SYT3: variants seen among roughly 807,000 people sequenced by gnomAD.
SYT3 encodes synaptotagmin 3, also known as synaptotagmin-3.
Under a neutral mutation model 50.6 loss-of-function variants are expected in SYT3, and 25 were observed. The ratio of observed to expected loss-of-function variants is 0.49; its 90% CI spans 0.36 to 0.69. The LOEUF (loss-of-function observed/expected upper bound fraction) is 0.69, where lower values mean the gene tolerates loss of function less well. Ranked by LOEUF, SYT3 falls within the 30% of genes least tolerant of loss-of-function variation. The pLI is 0.00. For missense variants in SYT3, 589 were observed against 793.6 expected, an observed-to-expected ratio of 0.74 and a Z score of 3.10; for synonymous variants, 323 against 353.9, an observed-to-expected ratio of 0.91 and a Z score of 0.98.
the SYT3 span, chr19:50,656,225 G>A: frequency 1.2e-5 from 19 of 1,536,130 alleles, no homozygotes; most frequent in Non-Finnish European, 1.6e-5. Context: ...TCTCTCCCTA[G>A]AAAGCAGTAC....
At chr19:50,647,238 C>G in the SYT3 span, among the ~76,000 whole-genome samples, 1 of 151,986 alleles carries the variant, frequency 6.6e-6, no homozygotes, top group Non-Finnish European at 1.5e-5. Flanking sequence ...CTCTTTCAGT[C>G]CAGGTGAGGG....
chr19:50,636,928 G>A (rs1984513958), intron 3 of SYT3, among the ~76,000 whole-genome samples: 1 of 152,192 alleles, frequency 6.6e-6, no homozygotes, highest in Non-Finnish European at 1.5e-5. Flanking sequence ...CTACAGCCAT[G>A]CAGTTATTAA....
chr19:50,633,232 T>G (rs1286630280), intron 3 of SYT3, among the ~76,000 whole-genome samples: 1 of 152,180 alleles, frequency 6.6e-6, no homozygotes, highest in Admixed American at 6.5e-5. Flanking sequence ...TCTTCCCACC[T>G]TGGCCTCCCA....
At position 50,639,364 on chromosome 19, in the gene SYT3, G is replaced by T. The variant is rs1417643423; in HGVS notation, c.-153-202C>A. On this transcript the variant is annotated intron_variant, in intron 1 of 10. Coordinates refer to ENST00000600079, the MANE Select transcript of SYT3 (RefSeq NM_001160329.2). This position sits in a 1 kb window ranked among gnomAD's most constrained non-coding sequence, Gnocchi z 4.6. ...CGGCTTCATAGACCCGGCGCTGCAG[G>T]ATCTGCTGGGAGTTGAAGTCCTTAA... is the stretch of plus-strand genomic sequence containing the variant. 3.9e-5 allele frequency: 6 copies of T among 152,058 alleles called. No homozygotes were observed. The highest frequency in any genetic ancestry group is 7.3e-5 in the Non-Finnish European group (5 of 68,064). The allele number at this position is 152,058 out of a possible 1,614,324, so 9.4% of individuals were successfully genotyped here.
intron 6 of SYT3, among the ~76,000 whole-genome samples, chr19:50,627,678 G>A (rs1425812981): frequency 6.8e-6 from 1 of 147,032 alleles, no homozygotes; most frequent in East Asian, 2.0e-4. Flanking sequence ...AGTGAGCTGA[G>A]ATTGCGCCAC....
In SYT3 at chr19:50,630,168, G is replaced by C; in HGVS notation, c.678C>G (p.Tyr226Ter). The change falls in exon 5 of 11, where the codon TAC becomes TAG. Residue 226 changes from tyrosine to a stop codon, truncating the protein, a stop_gained. Transcript: ENST00000600079. LOFTEE classifies it high-confidence loss of function. ...GGGTGAGGGGTCGGGGCAGGGCTGG[G>C]TACCTGTAGGGGGTTGGGGGGAGAC... ...QVTSLAPTTR[Y>*]PALPRPLTQQ... 1 of 1,529,812 alleles carries C rather than the reference G, an allele frequency of 6.5e-7. No individual in the cohort carries two copies. Among genetic ancestry groups the C allele is most frequent in the Non-Finnish European group, 8.8e-7 (1 of 1,135,646 alleles). The allele number at this position is 1,529,812 out of a possible 1,614,324, so 94.8% of individuals were successfully genotyped here.
chr19:50,649,790 TCTC>T, the SYT3 span: 13 of 564,720 alleles, frequency 2.3e-5, no homozygotes, highest in Non-Finnish European at 4.0e-5. Flanking sequence ...AGGCCATTCT[TCTC>T]CTAGGTAACC....
chr19:50,646,023 C>T, the SYT3 span, among the ~76,000 whole-genome samples: 2 of 151,926 alleles, frequency 1.3e-5, no homozygotes, highest in Non-Finnish European at 1.5e-5. Flanking sequence ...ACATAGAGTC[C>T]CAAATCCCAG....
chr19:50,649,382 G>T, the SYT3 span: 2 of 1,483,514 alleles, frequency 1.3e-6, no homozygotes, highest in African/African-American at 1.4e-5. Context: ...GAGCTGGGGT[G>T]GGTGGCCCAG....
In SYT3 at chr19:50,632,686, C is replaced by T. The variant is rs1193059710; in HGVS notation, c.274G>A (p.Gly92Ser). 6.3e-7 allele frequency: 1 copy of T among 1,591,168 alleles called. No homozygotes were observed. Among genetic ancestry groups the T allele is most frequent in the Middle Eastern group, 1.7e-4 (1 of 6,006 alleles). Residue 92 changes from glycine to serine, a missense_variant, in exon 4 of 11, where the codon GGC becomes AGC. Physicochemically the swap from Gly to Ser is moderately conservative, Grantham distance 56. This residue lies in a region of SYT3 where 316 missense variants were observed against 354.3 expected (regional missense o/e 0.89). Coordinates refer to ENST00000600079, the MANE Select transcript of SYT3 (RefSeq NM_001160329.2). This position sits in a 1 kb window ranked among gnomAD's most constrained non-coding sequence, Gnocchi z 4.7. The part of the protein sequence containing the change: ...PWRDKGGSAV[G>S]GGPLRKDLGP... ...AGGTCTTTGCGCAGGGGGCCACCGC[C>T]CACTGCCGAGCCTCCCTTGTCCCGC...
the SYT3 span, among the ~76,000 whole-genome samples, chr19:50,651,520 C>G: frequency 6.6e-6 from 1 of 152,106 alleles, no homozygotes; most frequent in East Asian, 1.9e-4. Flanking sequence ...TCTCATTCAT[C>G]TCTTGGTCCC....
Position 50,629,404 on chromosome 19 carries a change from G to C in SYT3, c.1171C>G (p.Arg391Gly). The C allele has an allele frequency of 6.2e-7, 1 of 1,614,012 alleles. No homozygotes were observed. Among genetic ancestry groups the C allele is most frequent in the Non-Finnish European group, 8.5e-7 (1 of 1,179,936 alleles). The change falls in exon 6 of 11, where the codon CGC becomes GGC. Residue 391 changes from arginine to glycine, a missense_variant. By Grantham distance (125) the Arg-to-Gly change is moderately radical. This residue lies in a region of SYT3 where 273 missense variants were observed against 439.3 expected (regional missense o/e 0.62). Coordinates refer to ENST00000600079, the MANE Select transcript of SYT3 (RefSeq NM_001160329.2). ...CCGATGAGGTCGTGCCGCGAGAAGC[G>C]GTCAAAGTCATAGACGCTGAAGTGC... ...KLHFSVYDFD[R>G]FSRHDLIGQV...
rs199930160 is a variant in SYT3 at position 50,629,772 on chromosome 19, G to A, written c.1062+12C>T. 2 of 1,592,956 alleles carry A rather than the reference G, an allele frequency of 1.3e-6. No individual in the cohort carries two copies. The highest frequency in any genetic ancestry group is 1.7e-4 in the Middle Eastern group (1 of 5,882). ...TCTGTGGGAACCCGGTGTCCAGCCC[G>A]CTGCTCCGGACCTTGGTCTGAAACT... On this transcript the variant is annotated intron_variant, in intron 5 of 10. Transcript: ENST00000600079.
Position 50,630,167 on chromosome 19 carries a change from G to T in SYT3, c.679C>A (p.Pro227Thr), listed in dbSNP as rs1383854505. The T allele has an allele frequency of 1.9e-6, 3 of 1,544,252 alleles. No homozygotes were observed. Among genetic ancestry groups the T allele is most frequent in the East Asian group, 4.6e-5 (2 of 43,898 alleles). ...VTSLAPTTRYPALPRPLTQQT... is the reference protein window; with the variant it reads ...VTSLAPTTRYTALPRPLTQQT... ...TGGGTGAGGGGTCGGGGCAGGGCTG[G>T]GTACCTGTAGGGGGTTGGGGGGAGA... The change falls in exon 5 of 11, where the codon CCA (proline) becomes ACA (threonine). Residue 227 changes from proline (P) to threonine (T), a missense_variant. This residue lies in a region of SYT3 where 316 missense variants were observed against 354.3 expected (regional missense o/e 0.89). Transcript: ENST00000600079.
Position 50,637,762 on chromosome 19 carries a change from G to A in SYT3, c.-15-336C>T. On this transcript the variant is annotated intron_variant, in intron 2 of 10. Coordinates refer to ENST00000600079, the MANE Select transcript of SYT3 (RefSeq NM_001160329.2). This position sits in a 1 kb window ranked among gnomAD's most constrained non-coding sequence, Gnocchi z 4.9. The stretch of plus-strand genomic sequence containing the variant: ...GAGAACAGGGACAAATGAACAAGGA[G>A]GAAGAGATGGAGAAGGGCAGTGAAG... The A allele has an allele frequency of 4.8e-6, 1 of 210,072 alleles. No individual in the cohort carries two copies. Among genetic ancestry groups the A allele is most frequent in the East Asian group, 1.1e-4 (1 of 9,078 alleles). 13.0% of individuals were successfully genotyped at this position (210,072 alleles called of 1,614,324 possible).
upstream of SYT3, among the ~76,000 whole-genome samples, chr19:50,643,307 G>A (rs867616212): frequency 1.3e-5 from 2 of 151,968 alleles, no homozygotes; most frequent in African/African-American, 2.4e-5. Context: ...CCCAGAAGTC[G>A]AGGCTGTGGG....
At chr19:50,629,206 A>G (rs573142098) in intron 6 of SYT3, 88 bp downstream of exon 6, 15 of 1,012,678 alleles carry the variant, frequency 1.5e-5, no homozygotes, top group Non-Finnish European at 1.9e-5. Flanking sequence ...AGAAGTGAGG[A>G]AGTTATGAAC....
In SYT3 at chr19:50,625,230, G is replaced by C; in HGVS notation, c.1639C>G (p.Arg547Gly). The C allele has an allele frequency of 1.3e-6, 2 of 1,587,628 alleles. No individual in the cohort carries two copies. The highest frequency in any genetic ancestry group is 1.7e-6 in the Non-Finnish European group (2 of 1,171,224). The part of the protein sequence containing the change: ...VGPDAADPHG[R>G]EHWAEMLANP... ...GCCAGCATCTCTGCCCAGTGCTCGC[G>C]GCCGTGCGGGTCGGCAGCGTCGGGG... The change falls in exon 9 of 11, where the codon CGC becomes GGC. Residue 547 changes from arginine to glycine, a missense_variant. Physicochemically the swap from Arg to Gly is moderately radical, Grantham distance 125 (BLOSUM62 -2). This residue lies in a region of SYT3 where 273 missense variants were observed against 439.3 expected (regional missense o/e 0.62). Coordinates refer to ENST00000600079, the MANE Select transcript of SYT3 (RefSeq NM_001160329.2). The surrounding 1 kb of genome is among the most constrained non-coding windows in gnomAD (Gnocchi z 7.5).
the SYT3 span, among the ~76,000 whole-genome samples, chr19:50,650,381 A>G: frequency 1.3e-5 from 2 of 152,292 alleles, no homozygotes; most frequent in South Asian, 4.1e-4. Flanking sequence ...ATAGAAAACC[A>G]AACTCAGGAC....
Sources: allele counts gnomAD v4.1 joint callset (sites outside exome capture counted in the v4.1 genomes callset), GRCh38; gene constraint gnomAD v4.1.1; regional missense constraint gnomAD v4.1.1; non-coding constraint Gnocchi (gnomAD v3.1); transcripts MANE v1.5; gene names NCBI Gene and HGNC (gene_info 2026-07-23, HGNC 2026-07-21).